CDK13: variants seen among roughly 807,000 people sequenced by gnomAD.
CDK13 encodes the protein cyclin dependent kinase 13.
Under a neutral mutation model 137.6 loss-of-function variants are expected in CDK13, and 40 were observed. The observed-to-expected ratio is 0.29, with a 90% CI of 0.23 to 0.38. CDK13 has a LOEUF of 0.38. Among genes scored for constraint, CDK13 ranks in the 10% least tolerant of loss-of-function variants. The probability of loss-of-function intolerance (pLI) is 1.00; values close to 1 mark genes in which losing one functional copy is unlikely to be tolerated. For missense variants in CDK13, 1,704 were observed against 1,951.8 expected (o/e 0.87, Z 2.39); for synonymous variants, 869 against 760.1 (o/e 1.14, Z -2.36).
chr7:39,992,143 T>G (rs1784471981), intron 2 of CDK13, among the ~76,000 whole-genome samples: 1 of 148,622 alleles, frequency 6.7e-6, no homozygotes, highest in African/African-American at 2.5e-5. Context: ...CATCTCTAGT[T>G]GTTTAAGAGA....
At chr7:39,985,673 T>C (rs1434935382) in intron 1 of CDK13, 1 of 152,016 alleles carries the variant, frequency 6.6e-6, no homozygotes, top group Non-Finnish European at 1.5e-5. Context: ...CTGCCTACTT[T>C]AGAGTTAAAA....
At chr7:39,961,411 A>G (rs1189042581) in intron 1 of CDK13, among the ~76,000 whole-genome samples, 1 of 152,198 alleles carries the variant, frequency 6.6e-6, no homozygotes, top group Non-Finnish European at 1.5e-5. Flanking sequence ...GCATTATTGT[A>G]GTCACCATTC....
chr7:39,958,963 G>A (rs906569146), intron 1 of CDK13, among the ~76,000 whole-genome samples: 4 of 151,910 alleles, frequency 2.6e-5, no homozygotes, highest in African/African-American at 4.8e-5. Flanking sequence ...TTGTTGTTTT[G>A]TATTTTTAGT....
intron 5 of CDK13, among the ~76,000 whole-genome samples, chr7:40,013,170 T>C (rs891120488): frequency 3.3e-5 from 5 of 152,154 alleles, no homozygotes; most frequent in Admixed American, 2.0e-4. Context: ...AAAGATAATA[T>C]ATGTGTGATT....
At chr7:40,040,699 G>A (rs1462053341) in intron 5 of CDK13, among the ~76,000 whole-genome samples, 3 of 152,142 alleles carry the variant, frequency 2.0e-5, no homozygotes, top group Non-Finnish European at 2.9e-5. Context: ...CATTTCTTAT[G>A]TGAGCTTTTT....
At position 39,951,531 on chromosome 7, in the gene CDK13, C is replaced by G; in HGVS notation, c.890C>G (p.Pro297Arg). ...CCGCCTTCGGCCTACAAGGAACCGC[C>G]CAAGGCCTACCGGGAGGACAAGACC... Reference protein sequence around the residue: ...KEPPSAYKEPPKAYREDKTEP... With the variant: ...KEPPSAYKEPRKAYREDKTEP... Residue 297 changes from proline to arginine, a missense_variant, in exon 1 of 14, where the codon CCC becomes CGC. Pro to Arg is a moderately radical substitution (Grantham distance 103, BLOSUM62 -2). Transcript: ENST00000181839. 1 of 1,535,974 alleles carries G rather than the reference C, an allele frequency of 6.5e-7. No homozygotes were observed. Among genetic ancestry groups the G allele is most frequent in the Non-Finnish European group, 8.7e-7 (1 of 1,143,536 alleles).
chr7:39,965,207 T>C (rs1352099209), intron 1 of CDK13, among the ~76,000 whole-genome samples: 3 of 152,222 alleles, frequency 2.0e-5, no homozygotes, highest in African/African-American at 7.2e-5. Flanking sequence ...TTGATCTGTC[T>C]AATGTTGACA....
rs1478356859 is a variant in CDK13 at position 39,950,427 on chromosome 7, C to T, written c.-215C>T. ...ATCGGGAGCTCCGCCGCCCGGATTC[C>T]TGCTTCCCTGGGGCCCGGAGGCTGC... On this transcript the variant is annotated 5_prime_UTR_variant, in exon 1 of 14. Transcript: ENST00000181839. 1.4e-5 allele frequency: 17 copies of T among 1,233,432 alleles called. No homozygotes were observed. The highest frequency in any genetic ancestry group is 1.6e-5 in the Non-Finnish European group (16 of 989,046). The allele number at this position is 1,233,432 out of a possible 1,614,324, so 76.4% of individuals were successfully genotyped here.
At position 40,088,111 on chromosome 7, in the gene CDK13, CTT is replaced by C. The variant is rs377247573; in HGVS notation, c.3030-5_3030-4del. The C allele has an allele frequency of 1.2e-4, 162 of 1,327,544 alleles. No homozygotes were observed. Among genetic ancestry groups the C allele is most frequent in the South Asian group, 1.9e-4 (14 of 71,848 alleles). 82.2% of individuals were successfully genotyped at this position (1,327,544 alleles called of 1,614,324 possible). ...AGAAATGCCATTTACAATTTAATTC[CTT>C]TTTTTTTTTCAGTCTCCCTTTATGG... is the stretch of plus-strand genomic sequence containing the variant. On this transcript the variant is annotated splice_polypyrimidine_tract_variant and intron_variant, in intron 11 of 13. Transcript: ENST00000181839.
At chr7:39,957,401 C>T (rs1292621600) in intron 1 of CDK13, among the ~76,000 whole-genome samples, 1 of 141,536 alleles carries the variant, frequency 7.1e-6, no homozygotes, top group Non-Finnish European at 1.6e-5. Flanking sequence ...TGTGTTTTCC[C>T]TACTAGATTG....
chr7:39,959,137 AG>A (rs34148588), intron 1 of CDK13, among the ~76,000 whole-genome samples: 67,444 of 151,384 alleles, frequency 0.45, 17,115 homozygotes, highest in East Asian at 0.63. Context: ...ATATTTAATA[AG>A]GTTTAATATA....
At chr7:40,084,120 C>A (rs528599423) in intron 11 of CDK13, among the ~76,000 whole-genome samples, 13 of 151,950 alleles carry the variant, frequency 8.6e-5, no homozygotes, top group Non-Finnish European at 1.8e-4. Flanking sequence ...CGAGGCGGAC[C>A]TATCACTTGA....
At chr7:40,053,041 C>A (rs927972358) in intron 7 of CDK13, among the ~76,000 whole-genome samples, 36 of 152,254 alleles carry the variant, frequency 2.4e-4, no homozygotes, top group Non-Finnish European at 4.1e-4. Context: ...TCATTTAGAT[C>A]ATTGACTTTT....
At chr7:39,960,793 T>G (rs1246810536) in intron 1 of CDK13, among the ~76,000 whole-genome samples, 2 of 151,282 alleles carry the variant, frequency 1.3e-5, no homozygotes, top group Non-Finnish European at 2.9e-5. Flanking sequence ...CAGGCTGGTC[T>G]CGAACTCCTG....
intron 1 of CDK13, among the ~76,000 whole-genome samples, chr7:39,965,316 C>T (rs186044107): frequency 6.6e-6 from 1 of 152,244 alleles, no homozygotes; most frequent in East Asian, 1.9e-4. Flanking sequence ...GTATTGGGTG[C>T]ATATATATTT....
intron 5 of CDK13, among the ~76,000 whole-genome samples, chr7:40,007,584 C>G (rs1036179166): frequency 6.6e-6 from 1 of 152,058 alleles, no homozygotes; most frequent in Non-Finnish European, 1.5e-5. Flanking sequence ...CGCCACCACA[C>G]CCAGCTAATT....
Position 40,077,717 on chromosome 7 carries a change from G to A in CDK13, c.2781-288G>A, listed in dbSNP as rs370706059. On this transcript the variant is annotated intron_variant, in intron 9 of 13. Coordinates refer to ENST00000181839, the MANE Select transcript of CDK13 (RefSeq NM_003718.5). ...TAAAAATACAAAAACTAGCTGGGCC[G>A]TGGTGGCGCATGCCTATAATCCCAG... 2.7e-3 allele frequency among the ~76,000 whole-genome samples: 407 copies of A among 152,198 alleles called. 2 individuals are homozygous for A. Among genetic ancestry groups the A allele is most frequent in the African/African-American group, 9.2e-3 (382 of 41,530 alleles).
chr7:39,988,672 C>T (rs1040852213), intron 2 of CDK13, among the ~76,000 whole-genome samples: 8 of 152,114 alleles, frequency 5.3e-5, no homozygotes, highest in African/African-American at 1.9e-4. Flanking sequence ...GTAAATTTAT[C>T]ACTGTCAGTG....
intron 1 of CDK13, among the ~76,000 whole-genome samples, chr7:39,964,336 G>A (rs1018625189): frequency 1.3e-5 from 2 of 152,072 alleles, no homozygotes; most frequent in African/African-American, 4.8e-5. Context: ...CTTCTTCCTG[G>A]TTTAGTCTTG....
Sources: allele counts gnomAD v4.1 joint callset (sites outside exome capture counted in the v4.1 genomes callset), GRCh38; gene constraint gnomAD v4.1.1; transcripts MANE v1.5; gene names NCBI Gene and HGNC (gene_info 2026-07-23, HGNC 2026-07-21).